Variants in STX8 observed in about 807,000 individuals in gnomAD.
The protein encoded by STX8 is syntaxin-8.
A neutral mutation model predicts 37.5 loss-of-function variants in STX8; 23 were observed. That is an observed-to-expected ratio of 0.61 (90% CI 0.44 to 0.87). STX8 has a LOEUF of 0.87. Ranked by LOEUF, STX8 falls within the 40% of genes least tolerant of loss-of-function variation. STX8 has a pLI of 0.00. For missense variants in STX8, 313 were observed against 284.7 expected (o/e 1.10, Z -0.71); for synonymous variants, 115 against 99.1 (o/e 1.16, Z -0.95).
chr17:9,566,025 T>C (rs1211312195), intron 2 of STX8, among the ~76,000 whole-genome samples: 1 of 152,176 alleles, frequency 6.6e-6, no homozygotes, highest in Non-Finnish European at 1.5e-5. Flanking sequence ...ACAAACAACC[T>C]ACACATTGTG....
chr17:9,547,642 A>AAAAAG (rs1555536289), intron 3 of STX8, among the ~76,000 whole-genome samples: 1,456 of 115,534 alleles, frequency 0.013, 210 homozygotes, highest in Middle Eastern at 0.039. Flanking sequence ...AAAAAAAAGA[A>AAAAAG]AAAAGAAAAG....
At chr17:9,450,472 C>A (rs1905004336) in intron 6 of STX8, among the ~76,000 whole-genome samples, 1 of 151,656 alleles carries the variant, frequency 6.6e-6, no homozygotes, top group Non-Finnish European at 1.5e-5. Flanking sequence ...TCTCCAAGAC[C>A]CATATATACG....
chr17:9,252,443 C>CAAAA (rs763729858), intron 7 of STX8, among the ~76,000 whole-genome samples: 1 of 125,668 alleles, frequency 8.0e-6, no homozygotes. Context: ...GACTCTGTCT[C>CAAAA]AAAAAAAAAA....
At chr17:9,357,574 T>C (rs1300875536) in intron 7 of STX8, among the ~76,000 whole-genome samples, 2 of 152,018 alleles carry the variant, frequency 1.3e-5, no homozygotes, top group Non-Finnish European at 2.9e-5. Context: ...TGTGCACCTG[T>C]AGTCCCAGCT....
chr17:9,523,231 G>A (rs982229368), intron 4 of STX8, among the ~76,000 whole-genome samples: 6 of 148,774 alleles, frequency 4.0e-5, no homozygotes, highest in Non-Finnish European at 8.9e-5. Flanking sequence ...AGAATCACTC[G>A]AACCCAGGAG....
intron 7 of STX8, among the ~76,000 whole-genome samples, chr17:9,290,835 C>T (rs778019472): frequency 6.6e-6 from 1 of 152,208 alleles, no homozygotes; most frequent in East Asian, 1.9e-4. Flanking sequence ...CAGTCCAGGA[C>T]GTACATGCTT....
intron 6 of STX8, among the ~76,000 whole-genome samples, chr17:9,402,709 A>G: frequency 7.1e-6 from 1 of 140,884 alleles, no homozygotes; most frequent in East Asian, 2.2e-4. Flanking sequence ...TTCAATACCT[A>G]CTCTGCACTA....
At chr17:9,368,135 C>G (rs752534724) in intron 7 of STX8, among the ~76,000 whole-genome samples, 6 of 151,970 alleles carry the variant, frequency 3.9e-5, no homozygotes, top group African/African-American at 1.5e-4. Flanking sequence ...AGTATTTTTC[C>G]CTAAAAATTC....
At chr17:9,255,553 AATAT>A (rs1215113143) in intron 7 of STX8, among the ~76,000 whole-genome samples, 489 of 28,146 alleles carry the variant, frequency 0.017, 1 homozygote, top group Middle Eastern at 0.083. Context: ...TAAATAAATA[AATAT>A]ATAAATAAAT....
At chr17:9,425,704 T>C (rs1284328100) in intron 6 of STX8, among the ~76,000 whole-genome samples, 1 of 152,226 alleles carries the variant, frequency 6.6e-6, no homozygotes, top group Non-Finnish European at 1.5e-5. Flanking sequence ...AGCATTTAGT[T>C]CTTTCTTCCA....
chr17:9,500,116 A>G (rs1165570671), intron 5 of STX8, among the ~76,000 whole-genome samples: 1 of 152,154 alleles, frequency 6.6e-6, no homozygotes, highest in African/African-American at 2.4e-5. Flanking sequence ...TAATGGGTGA[A>G]GTATGTAAAA....
At chr17:9,258,557 G>T (rs1400368671) in intron 7 of STX8, among the ~76,000 whole-genome samples, 1 of 152,230 alleles carries the variant, frequency 6.6e-6, no homozygotes, top group Non-Finnish European at 1.5e-5. Context: ...GGCACTGGGG[G>T]TGTGGAGAGG....
At chr17:9,377,702 CAGAG>C (rs776619075) in intron 7 of STX8, among the ~76,000 whole-genome samples, 55 of 152,118 alleles carry the variant, frequency 3.6e-4, no homozygotes, top group Admixed American at 5.9e-4. Flanking sequence ...TTTATAGAGA[CAGAG>C]AGGTCTTGCT....
chr17:9,483,675 T>C (rs958822672), intron 6 of STX8, among the ~76,000 whole-genome samples: 1 of 152,184 alleles, frequency 6.6e-6, no homozygotes, highest in African/African-American at 2.4e-5. Flanking sequence ...TATTTTATCC[T>C]TTAAGGAGCA....
intron 7 of STX8, among the ~76,000 whole-genome samples, chr17:9,258,902 T>C (rs1906905135): frequency 6.6e-6 from 1 of 152,230 alleles, no homozygotes; most frequent in African/African-American, 2.4e-5. Flanking sequence ...CTGTATTTCA[T>C]GTCCTCCATG....
chr17:9,473,520 G>A (rs1428068944), intron 6 of STX8, among the ~76,000 whole-genome samples: 9 of 151,974 alleles, frequency 5.9e-5, no homozygotes, highest in East Asian at 1.9e-4. Flanking sequence ...ACATCCTCCC[G>A]TATAACTTTA....
chr17:9,429,935 TATATAGA>T (rs1913844070), intron 6 of STX8, among the ~76,000 whole-genome samples: 1 of 3,498 alleles, frequency 2.9e-4, no homozygotes. Context: ...TAATATATAT[TATATAGA>T]ATATATTATA....
At chr17:9,269,681 T>C (rs1440177252) in intron 7 of STX8, among the ~76,000 whole-genome samples, 1 of 152,220 alleles carries the variant, frequency 6.6e-6, no homozygotes, top group Non-Finnish European at 1.5e-5. Flanking sequence ...CAGAAGTCAT[T>C]TCAAAGCAAC....
chr17:9,254,407 CTT>C (rs879587275), intron 7 of STX8, among the ~76,000 whole-genome samples: 2 of 147,144 alleles, frequency 1.4e-5, no homozygotes, highest in East Asian at 3.9e-4. Flanking sequence ...CTTATTAAAT[CTT>C]TTTTTTTTTT....
Sources: gnomAD v4.1 joint callset for allele counts (sites outside exome capture counted in the v4.1 genomes callset) on GRCh38, gnomAD v4.1.1 for gene constraint, MANE v1.5 for transcripts, NCBI Gene and HGNC (gene_info 2026-07-23, HGNC 2026-07-21) for gene names.